The following SLC39A11 variants were observed in gnomAD, a reference collection of about 807,000 sequenced individuals.
SLC39A11 encodes the protein zinc transporter ZIP11.
Under a neutral mutation model 36.1 loss-of-function variants are expected in SLC39A11, and 33 were observed. That is an observed-to-expected ratio of 0.91 (90% CI 0.69 to 1.22). The LOEUF is 1.22. Ranked by LOEUF, SLC39A11 falls within the 50% of genes most tolerant of loss-of-function variation. The pLI is 0.00. For missense variants in SLC39A11, 432 were observed against 430.3 expected (o/e 1.00, Z -0.03); for synonymous variants, 166 against 170.3 (o/e 0.97, Z 0.20).
At chr17:72,855,442 G>A (rs944922909) in intron 5 of SLC39A11, among the ~76,000 whole-genome samples, 3 of 152,172 alleles carry the variant, frequency 2.0e-5, no homozygotes, top group African/African-American at 7.2e-5. Flanking sequence ...GATTTGGTTG[G>A]ATTAGCACAA....
At chr17:72,850,523 TA>T (rs1396073457) in intron 5 of SLC39A11, among the ~76,000 whole-genome samples, 1 of 150,986 alleles carries the variant, frequency 6.6e-6, no homozygotes, top group Non-Finnish European at 1.5e-5. Flanking sequence ...CCAAGAAGGA[TA>T]AAAAAGATGA....
chr17:72,766,361 G>A (rs1598632583), intron 6 of SLC39A11, among the ~76,000 whole-genome samples: 1 of 152,272 alleles, frequency 6.6e-6, no homozygotes, highest in East Asian at 1.9e-4. Context: ...GGGTCAACAG[G>A]ACCTTTTAAA....
At chr17:72,939,266 G>A (rs1276230518) in intron 5 of SLC39A11, among the ~76,000 whole-genome samples, 3 of 152,124 alleles carry the variant, frequency 2.0e-5, no homozygotes, top group African/African-American at 4.8e-5. Flanking sequence ...TTCGAAACCA[G>A]CCTGGCCAAC....
intron 7 of SLC39A11, among the ~76,000 whole-genome samples, chr17:72,729,167 C>A (rs1263398126): frequency 6.6e-6 from 1 of 151,774 alleles, no homozygotes; most frequent in Non-Finnish European, 1.5e-5. Flanking sequence ...GCATCGGAAC[C>A]CACCATAGTT....
chr17:72,990,703 C>T (rs988361127), intron 4 of SLC39A11, among the ~76,000 whole-genome samples: 5 of 152,160 alleles, frequency 3.3e-5, no homozygotes, highest in Non-Finnish European at 7.4e-5. Context: ...GCTGGGATTA[C>T]AGGCGTGAAG....
intron 4 of SLC39A11, 30 bp from the exon 5 acceptor site, chr17:72,947,905 GC>G: frequency 6.2e-7 from 1 of 1,610,654 alleles, no homozygotes; most frequent in East Asian, 2.2e-5. Context: ...CATCACTAGA[GC>G]ACCACTACTG....
intron 6 of SLC39A11, among the ~76,000 whole-genome samples, chr17:72,834,141 T>G (rs1243743825): frequency 6.6e-6 from 1 of 152,174 alleles, no homozygotes; most frequent in African/African-American, 2.4e-5. Flanking sequence ...CCAGTAGAAC[T>G]TCCTGTGATC....
intron 5 of SLC39A11, among the ~76,000 whole-genome samples, chr17:72,917,511 A>T (rs1460550158): frequency 6.6e-6 from 1 of 152,234 alleles, no homozygotes; most frequent in African/African-American, 2.4e-5. Flanking sequence ...TCAACAGAGC[A>T]GCTAACAGGG....
At chr17:72,930,415 T>C (rs183312305) in intron 5 of SLC39A11, among the ~76,000 whole-genome samples, 2 of 152,330 alleles carry the variant, frequency 1.3e-5, no homozygotes, top group African/African-American at 2.4e-5. Flanking sequence ...ACAGAGTCTC[T>C]ACCCTCATCC....
chr17:72,688,275 C>G (rs1417327020), intron 7 of SLC39A11, among the ~76,000 whole-genome samples: 2 of 152,222 alleles, frequency 1.3e-5, no homozygotes, highest in African/African-American at 4.8e-5. Context: ...AAAATACAGT[C>G]ATTGTTGGAG....
chr17:73,029,062 G>A lies in SLC39A11; in HGVS notation c.306+2494C>T, dbSNP rs983357184. On this transcript the variant is annotated intron_variant, in intron 4 of 9. Coordinates refer to ENST00000255559, the MANE Select transcript of SLC39A11 (RefSeq NM_139177.4). ...GAACCCAGGAGGTGGAGGTTGCGGT[G>A]AGCCAAGATCACGCCATTGCACTCC... Among the ~76,000 whole-genome samples, 4 of 150,682 alleles carry A rather than the reference G, an allele frequency of 2.7e-5. No individual in the cohort carries two copies. The East Asian group carries it at 5.9e-4, about 22-fold the overall frequency.
chr17:72,903,369 C>T (rs997621770), intron 5 of SLC39A11, among the ~76,000 whole-genome samples: 1 of 152,024 alleles, frequency 6.6e-6, no homozygotes, highest in African/African-American at 2.4e-5. Context: ...ACAACAAAAG[C>T]CCATTGCAGC....
chr17:72,836,756 C>T (rs552624267), intron 6 of SLC39A11, among the ~76,000 whole-genome samples: 1 of 152,172 alleles, frequency 6.6e-6, no homozygotes, highest in Non-Finnish European at 1.5e-5. Context: ...CTTGAAAGGC[C>T]CCCGTAAGTG....
At chr17:72,976,594 T>C (rs2087867058) in intron 4 of SLC39A11, among the ~76,000 whole-genome samples, 1 of 152,210 alleles carries the variant, frequency 6.6e-6, no homozygotes, top group Non-Finnish European at 1.5e-5. Context: ...CTCACGCCTG[T>C]AATCCCAACA....
intron 1 of SLC39A11, chr17:73,089,753 G>A (rs2060863964): frequency 6.6e-6 from 1 of 152,156 alleles, no homozygotes; most frequent in Non-Finnish European, 1.5e-5. Context: ...AAAGGACCCA[G>A]GAATGGAATG....
At chr17:73,024,425 A>T (rs2058460976) in intron 4 of SLC39A11, among the ~76,000 whole-genome samples, 1 of 135,554 alleles carries the variant, frequency 7.4e-6, no homozygotes, top group African/African-American at 3.8e-5. Context: ...CTTATTGTAG[A>T]GACTCTCAGG....
intron 6 of SLC39A11, among the ~76,000 whole-genome samples, chr17:72,803,853 G>A (rs1037310857): frequency 2.0e-5 from 3 of 152,040 alleles, no homozygotes; most frequent in African/African-American, 4.8e-5. Context: ...TCTTGCTTCC[G>A]GGTCAGATGC....
intron 6 of SLC39A11, among the ~76,000 whole-genome samples, chr17:72,739,327 G>A (rs111941414): frequency 1.3e-4 from 19 of 151,932 alleles, no homozygotes; most frequent in Non-Finnish European, 2.8e-4. Flanking sequence ...GGATTTTACC[G>A]TGTTGGCCGG....
At chr17:72,696,595 G>C (rs1003433015) in intron 7 of SLC39A11, among the ~76,000 whole-genome samples, 2 of 151,976 alleles carry the variant, frequency 1.3e-5, no homozygotes, top group African/African-American at 4.8e-5. Flanking sequence ...TGAGACCCAC[G>C]CTCCTCAGAG....
Sources: allele counts gnomAD v4.1 joint callset (sites outside exome capture counted in the v4.1 genomes callset), GRCh38; gene constraint gnomAD v4.1.1; transcripts MANE v1.5; gene names NCBI Gene and HGNC (gene_info 2026-07-23, HGNC 2026-07-21).